EYS: variants seen among roughly 807,000 people sequenced by gnomAD.
EYS encodes the protein protein eyes shut homolog.
A neutral mutation model predicts 282.1 loss-of-function variants in EYS; 250 were observed. The observed-to-expected ratio is 0.89, with a 90% CI of 0.80 to 0.98. The LOEUF (loss-of-function observed/expected upper bound fraction) is 0.98. Among genes scored for constraint, EYS ranks in the 50% least tolerant of loss-of-function variants. The pLI is 0.00. For missense variants in EYS, 4,016 were observed against 3,709.0 expected, an observed-to-expected ratio of 1.08 and a Z score of -2.15; for synonymous variants, 1,355 against 1,282.9, an observed-to-expected ratio of 1.06 and a Z score of -1.20.
chr6:64,386,812 T>A (rs988409181), intron 29 of EYS, among the ~76,000 whole-genome samples: 5 of 152,180 alleles, frequency 3.3e-5, no homozygotes, highest in African/African-American at 1.2e-4. Flanking sequence ...AAAATACCTT[T>A]TTTGTTTAAT....
intron 15 of EYS, among the ~76,000 whole-genome samples, chr6:64,915,461 A>G (rs1768130928): frequency 6.6e-6 from 1 of 152,134 alleles, no homozygotes; most frequent in Non-Finnish European, 1.5e-5. Flanking sequence ...TCATTTAGGA[A>G]GTTGAGGATC....
At chr6:64,522,557 A>G (rs1582849648) in intron 26 of EYS, among the ~76,000 whole-genome samples, 2 of 151,620 alleles carry the variant, frequency 1.3e-5, no homozygotes, top group Admixed American at 1.3e-4. Flanking sequence ...AGTTTGATAA[A>G]CAATTTCCTG....
chr6:64,569,256 G>T (rs1765647625), intron 26 of EYS, among the ~76,000 whole-genome samples: 1 of 151,882 alleles, frequency 6.6e-6, no homozygotes, highest in Non-Finnish European at 1.5e-5. Flanking sequence ...AAAAAGGTTA[G>T]CGGGATTGCT....
At chr6:64,735,781 G>C (rs1207621576) in intron 22 of EYS, among the ~76,000 whole-genome samples, 1 of 152,024 alleles carries the variant, frequency 6.6e-6, no homozygotes. Flanking sequence ...TGATGAAGTT[G>C]TTAGGTAGCA....
chr6:64,245,748 G>C (rs185335752), intron 30 of EYS, among the ~76,000 whole-genome samples: 44 of 152,128 alleles, frequency 2.9e-4, no homozygotes, highest in African/African-American at 1.1e-3. Flanking sequence ...CTGAGGATAA[G>C]CCATTACTCC....
At chr6:65,003,609 C>G (rs545481266) in intron 13 of EYS, among the ~76,000 whole-genome samples, 2 of 147,128 alleles carry the variant, frequency 1.4e-5, no homozygotes, top group Non-Finnish European at 3.0e-5. Context: ...GGTTTTGTGT[C>G]TTGTGGGGCA....
At chr6:64,810,292 TA>T (rs1764553439) in intron 22 of EYS, among the ~76,000 whole-genome samples, 3 of 152,214 alleles carry the variant, frequency 2.0e-5, no homozygotes, top group African/African-American at 7.2e-5. Flanking sequence ...ACATGGTTTT[TA>T]ATTAAATAAA....
At chr6:65,624,324 T>C (rs1311135949) in intron 2 of EYS, among the ~76,000 whole-genome samples, 5 of 152,172 alleles carry the variant, frequency 3.3e-5, no homozygotes, top group Non-Finnish European at 7.3e-5. Flanking sequence ...ATTGCACCTA[T>C]GAATATGTCA....
chr6:64,718,921 G>A lies in EYS; in HGVS notation c.3444-92676C>T, dbSNP rs72884599. Among the ~76,000 whole-genome samples, 1,033 of 152,302 alleles carry A rather than the reference G, an allele frequency of 6.8e-3. 9 individuals are homozygous for A. The highest frequency in any genetic ancestry group is 8.6e-3 in the Non-Finnish European group (586 of 68,014). ...ACACGGAAAAGTGGACTTTGCCAAT[G>A]TAATTAAGACTTTGGATATTCAAAT... On this transcript the variant is annotated intron_variant, in intron 22 of 42. Transcript: ENST00000503581.
At chr6:65,538,742 C>T (rs986975602) in intron 2 of EYS, among the ~76,000 whole-genome samples, 1 of 152,028 alleles carries the variant, frequency 6.6e-6, no homozygotes, top group Non-Finnish European at 1.5e-5. Context: ...GTTTGAAACC[C>T]TTCCATGACT....
At chr6:64,895,616 A>G (rs1767435916) in intron 18 of EYS, among the ~76,000 whole-genome samples, 1 of 152,214 alleles carries the variant, frequency 6.6e-6, no homozygotes, top group Non-Finnish European at 1.5e-5. Flanking sequence ...AACTAAAGCA[A>G]CAGAACAGCA....
chr6:64,592,776 G>T (rs1481698765), intron 25 of EYS, among the ~76,000 whole-genome samples: 1 of 152,060 alleles, frequency 6.6e-6, no homozygotes, highest in Non-Finnish European at 1.5e-5. Flanking sequence ...TTACCTTAAT[G>T]ACTCAGAGAA....
At chr6:63,912,265 C>T (rs576452371) in intron 35 of EYS, among the ~76,000 whole-genome samples, 5 of 152,042 alleles carry the variant, frequency 3.3e-5, no homozygotes, top group Non-Finnish European at 7.4e-5. Context: ...ACTGGCTACC[C>T]TGATGGCTTT....
intron 35 of EYS, among the ~76,000 whole-genome samples, chr6:63,906,930 G>A (rs766674850): frequency 6.6e-6 from 1 of 151,844 alleles, no homozygotes. Flanking sequence ...GACCTGGAGG[G>A]GAGCAATAAT....
At chr6:64,565,806 G>A in intron 26 of EYS, among the ~76,000 whole-genome samples, 1 of 151,802 alleles carries the variant, frequency 6.6e-6, no homozygotes, top group East Asian at 1.9e-4. Context: ...ATACAGTGAT[G>A]GATATATTAA....
At chr6:64,819,028 G>C (rs1764822281) in intron 21 of EYS, among the ~76,000 whole-genome samples, 1 of 152,018 alleles carries the variant, frequency 6.6e-6, no homozygotes, top group Non-Finnish European at 1.5e-5. Flanking sequence ...GCCCTATATT[G>C]ACCCGAGTGC....
At chr6:65,143,269 T>G (rs972617415) in intron 12 of EYS, among the ~76,000 whole-genome samples, 1 of 151,948 alleles carries the variant, frequency 6.6e-6, no homozygotes, top group African/African-American at 2.4e-5. Context: ...AAGATTTTTT[T>G]TTTTGTACCA....
chr6:64,203,422 A>G (rs1765523281), intron 31 of EYS, among the ~76,000 whole-genome samples: 1 of 152,150 alleles, frequency 6.6e-6, no homozygotes, highest in Admixed American at 6.5e-5. Flanking sequence ...GACATATAGA[A>G]GAGTGTAAGG....
chr6:64,158,490 T>G (rs921488483), intron 31 of EYS, among the ~76,000 whole-genome samples: 4 of 152,206 alleles, frequency 2.6e-5, no homozygotes, highest in African/African-American at 9.6e-5. Flanking sequence ...TGGAAGACTC[T>G]CAGTGATATG....
Sources: allele counts gnomAD v4.1 joint callset (sites outside exome capture counted in the v4.1 genomes callset), GRCh38; gene constraint gnomAD v4.1.1; transcripts MANE v1.5; gene names NCBI Gene and HGNC (gene_info 2026-07-23, HGNC 2026-07-21).